CCDC138: variants seen among roughly 807,000 people sequenced by gnomAD.
The protein encoded by CCDC138 is coiled-coil domain containing 138.
In CCDC138, 66 loss-of-function variants were observed where a neutral mutation model predicts 82.3. The observed-to-expected ratio is 0.80, with a 90% confidence interval of 0.66 to 0.98. The LOEUF (loss-of-function observed/expected upper bound fraction) is 0.98. Ranked by LOEUF, CCDC138 falls within the 50% of genes least tolerant of loss-of-function variation. The pLI is 0.00. For missense variants in CCDC138, 816 were observed against 758.9 expected (o/e 1.08, Z -0.88); for synonymous variants, 297 against 265.4 (o/e 1.12, Z -1.16).
At chr2:108,851,397 G>A (rs540782791) in intron 12 of CCDC138, among the ~76,000 whole-genome samples, 1 of 152,098 alleles carries the variant, frequency 6.6e-6, no homozygotes, top group Non-Finnish European at 1.5e-5. Context: ...TGCCTCCCAG[G>A]TTCAAGCAAT....
chr2:108,812,563 T>A (rs1190085579), intron 7 of CCDC138, 68 bp from the exon 8 acceptor site: 2 of 1,153,254 alleles, frequency 1.7e-6, no homozygotes, highest in African/African-American at 3.0e-5. Flanking sequence ...GATAGTAGAT[T>A]GGGAAACCCT....
intron 9 of CCDC138, among the ~76,000 whole-genome samples, chr2:108,813,678 G>T (rs1684283584): frequency 6.6e-6 from 1 of 152,082 alleles, no homozygotes; most frequent in African/African-American, 2.4e-5. Context: ...TGTAAAGTTT[G>T]ATTAATTTTG....
intron 11 of CCDC138, among the ~76,000 whole-genome samples, chr2:108,840,194 G>T (rs1422001427): frequency 1.3e-5 from 2 of 151,924 alleles, no homozygotes; most frequent in African/African-American, 4.8e-5. Flanking sequence ...AACCCACTTG[G>T]TTGTGGTGTT....
intron 7 of CCDC138, among the ~76,000 whole-genome samples, chr2:108,806,534 A>G (rs1243635703): frequency 6.6e-6 from 1 of 152,192 alleles, no homozygotes; most frequent in Non-Finnish European, 1.5e-5. Context: ...GTTAAGGACT[A>G]GATAGTAAGT....
chr2:108,881,292 C>T (rs1696284771), downstream of CCDC138, among the ~76,000 whole-genome samples: 1 of 152,232 alleles, frequency 6.6e-6, no homozygotes, highest in Non-Finnish European at 1.5e-5. Flanking sequence ...GAACCAACCT[C>T]TGCTAGCTTC....
At chr2:108,880,220 CAAACAAA>C (rs1558783235), downstream of CCDC138, among the ~76,000 whole-genome samples, 8 of 5,214 alleles carry the variant, frequency 1.5e-3, no homozygotes, top group African/African-American at 2.6e-3. Flanking sequence ...CAAACAAAAA[CAAACAAA>C]AAAAAAAACG....
intron 10 of CCDC138, 86 bp from the exon 11 acceptor site, chr2:108,839,099 G>T: frequency 1.5e-6 from 2 of 1,370,624 alleles, no homozygotes. Flanking sequence ...TGTTTTTAAA[G>T]ATAATTTTGG....
intron 11 of CCDC138, 33 bp downstream of exon 11, chr2:108,839,334 A>G: frequency 6.4e-7 from 1 of 1,551,600 alleles, no homozygotes. Flanking sequence ...TCTATAAGTA[A>G]TACTCCACCT....
At chr2:108,881,077 A>G (rs1696278011), downstream of CCDC138, among the ~76,000 whole-genome samples, 1 of 152,216 alleles carries the variant, frequency 6.6e-6, no homozygotes, top group Non-Finnish European at 1.5e-5. Flanking sequence ...CAAATGAACT[A>G]GAATCAGATG....
chr2:108,794,138 G>A (rs1680448061), intron 4 of CCDC138, among the ~76,000 whole-genome samples: 1 of 152,166 alleles, frequency 6.6e-6, no homozygotes, highest in East Asian at 1.9e-4. Flanking sequence ...TTAAGATTAA[G>A]TAGTGGAGAT....
chr2:108,868,904 A>G (rs1432571953), intron 13 of CCDC138, among the ~76,000 whole-genome samples: 1 of 151,884 alleles, frequency 6.6e-6, no homozygotes, highest in African/African-American at 2.4e-5. Flanking sequence ...CTTTTGTGAA[A>G]GAAAAAAATG....
chr2:108,824,981 A>AGG (rs1343873727), intron 10 of CCDC138, among the ~76,000 whole-genome samples: 4 of 152,208 alleles, frequency 2.6e-5, no homozygotes, highest in Non-Finnish European at 5.9e-5. Context: ...GTTGTTTCAG[A>AGG]GGGAACTCTT....
intron 10 of CCDC138, among the ~76,000 whole-genome samples, chr2:108,832,344 CTTTTTTTT>C (rs1179620383): frequency 8.2e-6 from 1 of 122,238 alleles, no homozygotes; most frequent in African/African-American, 3.3e-5. Context: ...GTATTTCTTT[CTTTTTTTT>C]TTTTTTTTTT....
At chr2:108,817,567 A>G (rs564378037) in intron 10 of CCDC138, among the ~76,000 whole-genome samples, 2 of 152,318 alleles carry the variant, frequency 1.3e-5, no homozygotes, top group East Asian at 3.9e-4. Flanking sequence ...CTGGGATTAC[A>G]GGCATGAGCC....
At chr2:108,868,295 C>T (rs1248070653) in intron 13 of CCDC138, among the ~76,000 whole-genome samples, 2 of 152,094 alleles carry the variant, frequency 1.3e-5, no homozygotes, top group East Asian at 1.9e-4. Flanking sequence ...CCCCTTTTTC[C>T]TTATTACTGA....
intron 4 of CCDC138, among the ~76,000 whole-genome samples, chr2:108,793,884 G>A (rs906651543): frequency 1.3e-5 from 2 of 151,880 alleles, no homozygotes; most frequent in Non-Finnish European, 2.9e-5. Context: ...TTATAGGCGT[G>A]AGCCACCGCG....
intron 9 of CCDC138, among the ~76,000 whole-genome samples, chr2:108,814,310 G>A (rs541000042): frequency 6.6e-6 from 1 of 152,250 alleles, no homozygotes; most frequent in South Asian, 2.1e-4. Flanking sequence ...GACCCTTCCA[G>A]TGGGTGTGTA....
chr2:108,845,033 A>G (rs1690208455), intron 11 of CCDC138, among the ~76,000 whole-genome samples: 1 of 151,892 alleles, frequency 6.6e-6, no homozygotes, highest in South Asian at 2.1e-4. Flanking sequence ...GGCGTGAGCC[A>G]CTGTGCCTGG....
At chr2:108,809,037 G>T (rs1354303442) in intron 7 of CCDC138, among the ~76,000 whole-genome samples, 1 of 152,108 alleles carries the variant, frequency 6.6e-6, no homozygotes, top group Admixed American at 6.5e-5. Context: ...TTAGGCATAT[G>T]GATATCCATT....
Sources: allele counts gnomAD v4.1 joint callset (sites outside exome capture counted in the v4.1 genomes callset), GRCh38; gene constraint gnomAD v4.1.1; transcripts MANE v1.5; gene names NCBI Gene and HGNC (gene_info 2026-07-23, HGNC 2026-07-21).